The following C8orf34 variants were observed in gnomAD, a reference collection of about 807,000 sequenced individuals.
The protein encoded by C8orf34 is chromosome 8 open reading frame 34.
A neutral mutation model predicts 68.3 loss-of-function variants in C8orf34; 65 were observed. The ratio of observed to expected loss-of-function variants is 0.95; its 90% CI spans 0.78 to 1.17. The LOEUF is 1.17. C8orf34 is among the 50% of genes most tolerant of loss of function. The pLI is 0.00. For missense variants in C8orf34, 664 were observed against 655.4 expected, an observed-to-expected ratio of 1.01 and a Z score of -0.14; for synonymous variants, 244 against 241.2, an observed-to-expected ratio of 1.01 and a Z score of -0.11.
chr8:68,354,191 A>T (rs1806644892), intron 1 of C8orf34, among the ~76,000 whole-genome samples: 1 of 152,166 alleles, frequency 6.6e-6, no homozygotes, highest in South Asian at 2.1e-4. Flanking sequence ...AAACAAAAGT[A>T]TGAGATTAGT....
chr8:68,406,413 T>C (rs1809196039), intron 1 of C8orf34, among the ~76,000 whole-genome samples: 1 of 152,076 alleles, frequency 6.6e-6, no homozygotes, highest in Non-Finnish European at 1.5e-5. Context: ...TAAGAGTGTG[T>C]TGGGTGAAGG....
At chr8:68,356,912 TCTAATTCATAGTGA>T (rs1185804808) in intron 1 of C8orf34, among the ~76,000 whole-genome samples, 1 of 152,122 alleles carries the variant, frequency 6.6e-6, no homozygotes, top group Non-Finnish European at 1.5e-5. Flanking sequence ...GAGATATTGA[TCTAATTCATAGTGA>T]CAAGCTAGAT....
chr8:68,778,925 C>T (rs1823595217), intron 11 of C8orf34, among the ~76,000 whole-genome samples: 1 of 152,004 alleles, frequency 6.6e-6, no homozygotes, highest in Admixed American at 6.6e-5. Flanking sequence ...GCCTGTAATC[C>T]TAGAACTTTG....
intron 10 of C8orf34, among the ~76,000 whole-genome samples, chr8:68,774,318 T>C (rs1823438293): frequency 7.9e-6 from 1 of 126,416 alleles, no homozygotes; most frequent in Non-Finnish European, 1.7e-5. Context: ...TGTATAAAAA[T>C]ATGGGTGTGT....
At chr8:68,393,260 TG>T (rs1344519708) in intron 1 of C8orf34, among the ~76,000 whole-genome samples, 2 of 152,160 alleles carry the variant, frequency 1.3e-5, no homozygotes, top group African/African-American at 4.8e-5. Context: ...ATGTTGGCTA[TG>T]TTCATATGAT....
intron 10 of C8orf34, among the ~76,000 whole-genome samples, chr8:68,764,219 C>T (rs904863536): frequency 6.6e-6 from 1 of 152,160 alleles, no homozygotes; most frequent in African/African-American, 2.4e-5. Flanking sequence ...TAGCACCTAC[C>T]TGCTGCTTTC....
chr8:68,710,739 A>G (rs1821308487), intron 9 of C8orf34, among the ~76,000 whole-genome samples: 1 of 152,098 alleles, frequency 6.6e-6, no homozygotes, highest in Non-Finnish European at 1.5e-5. Flanking sequence ...TGGGAGCTCT[A>G]TGGCCCTGCC....
At chr8:68,472,822 C>A (rs925009813) in intron 4 of C8orf34, among the ~76,000 whole-genome samples, 3 of 151,986 alleles carry the variant, frequency 2.0e-5, no homozygotes, top group Admixed American at 6.6e-5. Context: ...ATTTTATATT[C>A]TTTTTCTCTC....
intron 12 of C8orf34, chr8:68,790,808 A>C: frequency 1.4e-6 from 1 of 697,612 alleles, no homozygotes; most frequent in Non-Finnish European, 2.6e-6. Flanking sequence ...CTGGGACTCT[A>C]TTTCAGACCT....
chr8:68,756,541 A>C (rs1822864993), intron 10 of C8orf34, among the ~76,000 whole-genome samples: 2 of 152,162 alleles, frequency 1.3e-5, no homozygotes, highest in African/African-American at 4.8e-5. Flanking sequence ...TGGAAACTTT[A>C]AGGATGGAAA....
intron 7 of C8orf34, among the ~76,000 whole-genome samples, chr8:68,608,582 AAGCAGGG>A (rs1378627148): frequency 2.6e-5 from 4 of 151,426 alleles, no homozygotes; most frequent in Non-Finnish European, 4.4e-5. Context: ...TCATAGGCCG[AAGCAGGG>A]AAAGAAATTG....
At chr8:68,564,557 G>A (rs1046226615) in intron 7 of C8orf34, among the ~76,000 whole-genome samples, 1 of 152,130 alleles carries the variant, frequency 6.6e-6, no homozygotes, top group Non-Finnish European at 1.5e-5. Context: ...GCTCACCCTG[G>A]ACTAGGTTGC....
intron 1 of C8orf34, among the ~76,000 whole-genome samples, chr8:68,422,152 C>G (rs1237010400): frequency 6.6e-6 from 1 of 152,186 alleles, no homozygotes; most frequent in Non-Finnish European, 1.5e-5. Context: ...CCTCACATTT[C>G]AAAACACAAT....
intron 8 of C8orf34, among the ~76,000 whole-genome samples, chr8:68,677,615 C>A (rs1038816973): frequency 2.6e-5 from 4 of 152,038 alleles, no homozygotes; most frequent in Admixed American, 6.6e-5. Context: ...CCTTGCCTAA[C>A]AAAGTGCTGG....
intron 3 of C8orf34, among the ~76,000 whole-genome samples, chr8:68,460,965 A>T (rs969596547): frequency 1.3e-5 from 2 of 152,280 alleles, no homozygotes; most frequent in African/African-American, 4.8e-5. Flanking sequence ...GAGTTGTGAG[A>T]AGAAGGCTTC....
chr8:68,632,926 A>G (rs2130704670), intron 7 of C8orf34, among the ~76,000 whole-genome samples: 1 of 152,202 alleles, frequency 6.6e-6, no homozygotes, highest in East Asian at 1.9e-4. Flanking sequence ...AATCTGCTGC[A>G]GGTCAGAGCC....
At chr8:68,472,870 A>G (rs535405880) in intron 4 of C8orf34, among the ~76,000 whole-genome samples, 98 of 152,200 alleles carry the variant, frequency 6.4e-4, no homozygotes, top group African/African-American at 2.3e-3. Flanking sequence ...ATTTTAATTC[A>G]CAGCACCTCT....
chr8:68,533,065 G>T lies in C8orf34; in HGVS notation c.1021G>T (p.Asp341Tyr). 6.2e-7 allele frequency: 1 copy of T among 1,612,998 alleles called. No individual in the cohort carries two copies. Among genetic ancestry groups the T allele is most frequent in the Non-Finnish European group, 8.5e-7 (1 of 1,179,172 alleles). The change falls in exon 7 of 14, where the codon GAT becomes TAT. Residue 341 changes from aspartate (D) to tyrosine (Y), a missense_variant. By Grantham distance (160) the Asp-to-Tyr change is radical. Coordinates refer to ENST00000518698, the MANE Select transcript of C8orf34 (RefSeq NM_052958.4). Reference protein sequence around the residue: ...KKLLAAMLSQDSFESIHSPTP... With the variant: ...KKLLAAMLSQYSFESIHSPTP... ...ACTCCTGGCCGCAATGCTCTCTCAA[G>T]ATTCTTTTGAGTCCATCCACAGCCC...
intron 12 of C8orf34, among the ~76,000 whole-genome samples, chr8:68,798,121 T>C (rs542357524): frequency 1.3e-5 from 2 of 148,812 alleles, no homozygotes; most frequent in South Asian, 4.3e-4. Context: ...ATTTTTCCTT[T>C]TTAAAAATTT....
Sources: allele counts gnomAD v4.1 joint callset (sites outside exome capture counted in the v4.1 genomes callset), GRCh38; gene constraint gnomAD v4.1.1; transcripts MANE v1.5; gene names NCBI Gene and HGNC (gene_info 2026-07-23, HGNC 2026-07-21).